The following DOCK4 variants were observed in gnomAD, a reference collection of about 807,000 sequenced individuals.
The protein encoded by DOCK4 is dedicator of cytokinesis protein 4.
In DOCK4, 97 loss-of-function variants were observed where a neutral mutation model predicts 268.1. The observed-to-expected ratio is 0.36, with a 90% confidence interval of 0.31 to 0.43. The LOEUF is 0.43. Ranked by LOEUF, DOCK4 falls within the 20% of genes least tolerant of loss-of-function variation. DOCK4 has a pLI of 1.00. For synonymous variants in DOCK4, 954 were observed against 887.2 expected, an observed-to-expected ratio of 1.08 and a Z score of -1.34; for missense variants, 2,145 against 2,455.7, an observed-to-expected ratio of 0.87 and a Z score of 2.67.
chr7:111,784,248 C>T (rs1241575148), intron 32 of DOCK4, 125 bp from the exon 33 acceptor site: 3 of 1,118,388 alleles, frequency 2.7e-6, no homozygotes, highest in Non-Finnish European at 3.9e-6. Flanking sequence ...GACATTTTTT[C>T]CTAGCTTCTC....
At chr7:111,935,759 AACTG>A (rs1335808352) in intron 11 of DOCK4, 131 bp from the exon 12 acceptor site, 18 of 722,562 alleles carry the variant, frequency 2.5e-5, no homozygotes, top group Non-Finnish European at 3.7e-5. Context: ...AACCTGCTGC[AACTG>A]ACTGTCAGTT....
chr7:111,731,505 C>T (rs530360866), intron 52 of DOCK4, among the ~76,000 whole-genome samples: 6 of 151,538 alleles, frequency 4.0e-5, no homozygotes, highest in Admixed American at 6.6e-5. Context: ...CAATCTCTCA[C>T]GTACTGACAA....
intron 1 of DOCK4, among the ~76,000 whole-genome samples, chr7:112,075,774 C>T (rs1487343709): frequency 6.6e-6 from 1 of 151,786 alleles, no homozygotes; most frequent in Non-Finnish European, 1.5e-5. Flanking sequence ...TAAACTTTGT[C>T]CTTATTTAAA....
rs535034590 is a variant in DOCK4 at position 111,809,084 on chromosome 7, A to G, written c.3108-205T>C. ...AGAGATCTGTTTCATAATTTTTTGCATCTATAGAAATTTTGAATCCTGAAA... is the reference window on the plus strand; with the variant it reads ...AGAGATCTGTTTCATAATTTTTTGCGTCTATAGAAATTTTGAATCCTGAAA... On this transcript the variant is annotated intron_variant, in intron 29 of 52. Coordinates refer to ENST00000428084, the MANE Select transcript of DOCK4 (RefSeq NM_001363540.2). Among the ~76,000 whole-genome samples, 15 of 152,306 alleles carry G rather than the reference A, an allele frequency of 9.8e-5. 1 individual carries two copies. The South Asian group carries it at 3.1e-3, about 32-fold the overall frequency.
intron 1 of DOCK4, among the ~76,000 whole-genome samples, chr7:112,045,886 C>T (rs1804780675): frequency 6.6e-6 from 1 of 152,134 alleles, no homozygotes; most frequent in Non-Finnish European, 1.5e-5. Context: ...TTGCCAAACC[C>T]TCCAAAAAAG....
intron 1 of DOCK4, among the ~76,000 whole-genome samples, chr7:112,069,154 T>C (rs1248896991): frequency 2.0e-5 from 3 of 152,198 alleles, no homozygotes; most frequent in Non-Finnish European, 4.4e-5. Context: ...CAGTGATGGC[T>C]TGTACACCAA....
In DOCK4 at chr7:112,018,179, A is replaced by AAAACAC; in HGVS notation, c.38-14049_38-14048insGTGTTT. Among the ~76,000 whole-genome samples, 38 of 72,628 alleles carry AAAACAC rather than the reference A, an allele frequency of 5.2e-4. 7 individuals are homozygous for AAAACAC. Among genetic ancestry groups the AAAACAC allele is most frequent in the East Asian group, 4.4e-3 (11 of 2,480 alleles). The allele number at this position is 72,628 out of a possible 152,430, so 47.6% of individuals were successfully genotyped here. On this transcript the variant is annotated intron_variant, in intron 1 of 52. Coordinates refer to ENST00000428084, the MANE Select transcript of DOCK4 (RefSeq NM_001363540.2). ...AAAAAAAAAAAAAAAAAAAAAAAAA[A>AAAACAC]ACACAGGCAACCAGTATTCATGTGG...
intron 1 of DOCK4, among the ~76,000 whole-genome samples, chr7:112,079,789 A>C (rs10487338): frequency 0.079 from 11,987 of 152,254 alleles, 880 homozygotes; most frequent in East Asian, 0.4. Context: ...AATTAAATCC[A>C]ATAAAATAAT....
intron 6 of DOCK4, among the ~76,000 whole-genome samples, chr7:111,985,945 G>C (rs774994753): frequency 3.3e-5 from 5 of 152,142 alleles, no homozygotes; most frequent in Non-Finnish European, 7.3e-5. Flanking sequence ...AAATGAAAGA[G>C]GGCATATAAC....
At chr7:111,963,083 A>G (rs1797060088) in intron 8 of DOCK4, among the ~76,000 whole-genome samples, 1 of 152,186 alleles carries the variant, frequency 6.6e-6, no homozygotes, top group Non-Finnish European at 1.5e-5. Context: ...TACAACTTTA[A>G]CCGATGAAGC....
At chr7:112,043,354 CAAAG>C (rs1804562699) in intron 1 of DOCK4, among the ~76,000 whole-genome samples, 1 of 152,022 alleles carries the variant, frequency 6.6e-6, no homozygotes, top group African/African-American at 2.4e-5. Flanking sequence ...CTGTTATCCA[CAAAG>C]AATGGGGTGT....
At chr7:112,197,323 T>C (rs1563178652) in intron 1 of DOCK4, among the ~76,000 whole-genome samples, 2 of 151,666 alleles carry the variant, frequency 1.3e-5, no homozygotes, top group African/African-American at 4.8e-5. Context: ...TATGTACAAA[T>C]CTATTGCTTT....
Position 112,008,729 on chromosome 7 carries a change from T to C in DOCK4, c.38-4598A>G, listed in dbSNP as rs567412745. 1.4e-3 allele frequency among the ~76,000 whole-genome samples: 220 copies of C among 152,296 alleles called. 1 individual carries two copies. Among genetic ancestry groups the C allele is most frequent in the Middle Eastern group, 3.4e-3 (1 of 294 alleles). On this transcript the variant is annotated intron_variant, in intron 1 of 52. Transcript: ENST00000428084. The stretch of plus-strand genomic sequence containing the variant: ...GAATTATTGGCCAGGCACACTGGCT[T>C]ATGCCTGTAATCCCAGCACTTTGCG...
chr7:111,742,681 C>G (rs1795998534), intron 44 of DOCK4, among the ~76,000 whole-genome samples: 1 of 152,166 alleles, frequency 6.6e-6, no homozygotes, highest in African/African-American at 2.4e-5. Flanking sequence ...AGTTTCCATG[C>G]TTCTTGTTTT....
intron 23 of DOCK4, among the ~76,000 whole-genome samples, chr7:111,850,074 C>T (rs1804422283): frequency 6.6e-6 from 1 of 152,010 alleles, no homozygotes; most frequent in East Asian, 1.9e-4. Flanking sequence ...AACCTGTGAG[C>T]TTATACGTTA....
intron 1 of DOCK4, among the ~76,000 whole-genome samples, chr7:112,024,560 A>G (rs1057507620): frequency 6.6e-6 from 1 of 152,108 alleles, no homozygotes; most frequent in Admixed American, 6.6e-5. Context: ...CTCTACTTGT[A>G]AAGTATATAT....
chr7:112,090,850 A>G (rs903022619), intron 1 of DOCK4, among the ~76,000 whole-genome samples: 5 of 152,180 alleles, frequency 3.3e-5, no homozygotes, highest in Non-Finnish European at 7.4e-5. Context: ...GGGTAAATCA[A>G]TTGCAGTTCA....
intron 23 of DOCK4, among the ~76,000 whole-genome samples, chr7:111,849,262 C>CTTTTTTTT (rs200312873): frequency 7.5e-6 from 1 of 133,366 alleles, no homozygotes. Context: ...TTCCTAGTTA[C>CTTTTTTTT]TTTTTTTTTT....
chr7:112,142,624 G>A (rs563819433), intron 1 of DOCK4, among the ~76,000 whole-genome samples: 27 of 152,184 alleles, frequency 1.8e-4, no homozygotes, highest in African/African-American at 6.0e-4. Flanking sequence ...ATGATCCCCA[G>A]AGTGCCTACC....
Sources: allele counts gnomAD v4.1 joint callset (sites outside exome capture counted in the v4.1 genomes callset), GRCh38; gene constraint gnomAD v4.1.1; transcripts MANE v1.5; gene names NCBI Gene and HGNC (gene_info 2026-07-23, HGNC 2026-07-21).